The following PDE10A variants were observed in gnomAD, a reference collection of about 807,000 sequenced individuals.
The protein encoded by PDE10A is cAMP and cAMP-inhibited cGMP 3',5'-cyclic phosphodiesterase 10A.
A neutral mutation model predicts 97.7 loss-of-function variants in PDE10A; 39 were observed. The observed-to-expected ratio is 0.40, with a 90% CI of 0.31 to 0.52. The LOEUF (loss-of-function observed/expected upper bound fraction) is 0.52, where lower values mean the gene tolerates loss of function less well. PDE10A is among the 20% of genes least tolerant of loss of function. The probability of loss-of-function intolerance (pLI) is 0.56; values close to 1 mark genes in which losing one functional copy is unlikely to be tolerated. For synonymous variants in PDE10A, 371 were observed against 376.8 expected, an observed-to-expected ratio of 0.98 and a Z score of 0.18; for missense variants, 731 against 1,047.8, an observed-to-expected ratio of 0.70 and a Z score of 4.17.
At chr6:165,746,219 CA>C (rs1792839615) in intron 1 of PDE10A, among the ~76,000 whole-genome samples, 1 of 152,104 alleles carries the variant, frequency 6.6e-6, no homozygotes, top group Admixed American at 6.5e-5. Flanking sequence ...TAAATAGCAC[CA>C]AAAAAATACC....
chr6:165,970,787 A>G (rs774141841), intron 1 of PDE10A, among the ~76,000 whole-genome samples: 2 of 152,204 alleles, frequency 1.3e-5, no homozygotes, highest in Non-Finnish European at 2.9e-5. Context: ...TTACAACAAC[A>G]AAAACAGTGC....
chr6:165,379,756 T>C (rs557732103), intron 17 of PDE10A, among the ~76,000 whole-genome samples: 2 of 152,320 alleles, frequency 1.3e-5, no homozygotes, highest in South Asian at 4.1e-4. Flanking sequence ...AATTTTTGTA[T>C]TATACTAGAA....
chr6:165,440,283 A>G (rs956287256), intron 5 of PDE10A, among the ~76,000 whole-genome samples: 1 of 152,060 alleles, frequency 6.6e-6, no homozygotes, highest in Non-Finnish European at 1.5e-5. Flanking sequence ...ACTATAAACT[A>G]CCAGCTCTGG....
At chr6:165,686,982 T>C (rs1228125432) in intron 1 of PDE10A, among the ~76,000 whole-genome samples, 1 of 152,256 alleles carries the variant, frequency 6.6e-6, no homozygotes, top group South Asian at 2.1e-4. Flanking sequence ...GCTAAAACAA[T>C]AGTTCTCTTA....
At chr6:165,943,275 G>GAA (rs1160869596) in intron 1 of PDE10A, among the ~76,000 whole-genome samples, 67 of 112,806 alleles carry the variant, frequency 5.9e-4, no homozygotes, top group Middle Eastern at 4.2e-3. Context: ...AGGAAGGAAG[G>GAA]AAAGAAAGAA....
chr6:165,878,388 A>C (rs1781398659), intron 1 of PDE10A, among the ~76,000 whole-genome samples: 1 of 152,220 alleles, frequency 6.6e-6, no homozygotes, highest in Non-Finnish European at 1.5e-5. Flanking sequence ...TATTTTTAAC[A>C]CTGCTACTTA....
At chr6:165,457,351 C>G (rs910156903) in intron 3 of PDE10A, among the ~76,000 whole-genome samples, 2 of 151,966 alleles carry the variant, frequency 1.3e-5, no homozygotes, top group Non-Finnish European at 2.9e-5. Context: ...TAGAGTTAAG[C>G]TGGGAGCTAC....
chr6:165,782,416 A>G (rs1310370240), intron 1 of PDE10A, among the ~76,000 whole-genome samples: 2 of 152,184 alleles, frequency 1.3e-5, no homozygotes, highest in Admixed American at 1.3e-4. Flanking sequence ...AGTCCACAGC[A>G]GGGCCAAGGC....
At chr6:165,904,275 TG>T (rs1468743069) in intron 1 of PDE10A, among the ~76,000 whole-genome samples, 1 of 151,992 alleles carries the variant, frequency 6.6e-6, no homozygotes, top group Non-Finnish European at 1.5e-5. Context: ...TGGTCTGTGT[TG>T]GGGTGAGGCC....
At chr6:165,831,884 T>G (rs937592642) in intron 1 of PDE10A, among the ~76,000 whole-genome samples, 9 of 152,128 alleles carry the variant, frequency 5.9e-5, no homozygotes, top group African/African-American at 1.9e-4. Flanking sequence ...TGCCTTTCTT[T>G]TGTGCTTCTC....
At chr6:165,545,936 C>T (rs1178530180) in intron 1 of PDE10A, among the ~76,000 whole-genome samples, 1 of 152,044 alleles carries the variant, frequency 6.6e-6, no homozygotes, top group Non-Finnish European at 1.5e-5. Context: ...GATATGAAGA[C>T]TTATGTCCAC....
chr6:165,847,661 G>A lies in PDE10A; in HGVS notation c.-615+139868C>T, dbSNP rs536153439. ...TGCCTCTGACGTCATTTCTGATAAC[G>A]TCTTGCTTTGAAGCAAGCCAACTCC... On this transcript the variant is annotated intron_variant, in intron 1 of 19. Transcript: ENST00000366882. 1.4e-4 allele frequency among the ~76,000 whole-genome samples: 22 copies of A among 152,328 alleles called. No individual in the cohort carries two copies. The South Asian group carries it at 3.7e-3, about 26-fold the overall frequency.
intron 1 of PDE10A, among the ~76,000 whole-genome samples, chr6:165,689,024 G>A (rs943819158): frequency 6.6e-6 from 1 of 152,192 alleles, no homozygotes; most frequent in African/African-American, 2.4e-5. Context: ...AAAAAGGAAA[G>A]CAACACCCTC....
chr6:165,436,043 T>C lies in PDE10A; in HGVS notation c.1195-666A>G, dbSNP rs1178818752. Among the ~76,000 whole-genome samples, 3 of 152,216 alleles carry C rather than the reference T, an allele frequency of 2.0e-5. No individual in the cohort carries two copies. In the East Asian group the frequency reaches 5.8e-4, roughly 29 times the overall value. On this transcript the variant is annotated intron_variant, in intron 5 of 21. Coordinates refer to ENST00000539869, the MANE Select transcript of PDE10A (RefSeq NM_001385079.1). ...TTTTTTAAAAATAGCATCAGTTATT[T>C]TGACGAAATCCAAACATATTTTAAA...
intron 3 of PDE10A, among the ~76,000 whole-genome samples, chr6:165,465,194 G>A (rs992791095): frequency 7.3e-5 from 11 of 151,724 alleles, no homozygotes; most frequent in African/African-American, 2.7e-4. Flanking sequence ...AAATGGCACA[G>A]GCTAAAAATC....
chr6:165,629,678 T>C (rs534258575), intron 1 of PDE10A, among the ~76,000 whole-genome samples: 7 of 151,924 alleles, frequency 4.6e-5, no homozygotes, highest in Non-Finnish European at 1.0e-4. Context: ...GGATGACAAG[T>C]GCACGCCACC....
At chr6:165,826,479 CCCCA>C (rs1779753489) in intron 1 of PDE10A, among the ~76,000 whole-genome samples, 1 of 125,738 alleles carries the variant, frequency 8.0e-6, no homozygotes, top group Non-Finnish European at 1.8e-5. Context: ...GTCCACCTGT[CCCCA>C]CGTCCCTCTG....
chr6:165,495,479 T>C (rs1780482148), intron 2 of PDE10A, among the ~76,000 whole-genome samples: 1 of 152,214 alleles, frequency 6.6e-6, no homozygotes, highest in Non-Finnish European at 1.5e-5. Flanking sequence ...TAGGGACTTT[T>C]TTAATATGCA....
intron 1 of PDE10A, among the ~76,000 whole-genome samples, chr6:165,668,508 A>G (rs1033430991): frequency 6.6e-6 from 1 of 152,168 alleles, no homozygotes; most frequent in African/African-American, 2.4e-5. Flanking sequence ...TTGATAACCC[A>G]ATTTTTATAA....
Sources: gnomAD v4.1 joint callset for allele counts (sites outside exome capture counted in the v4.1 genomes callset) on GRCh38, gnomAD v4.1.1 for gene constraint, MANE v1.5 for transcripts, NCBI Gene and HGNC (gene_info 2026-07-23, HGNC 2026-07-21) for gene names.